The following DOCK1 variants were observed in gnomAD, a reference collection of about 807,000 sequenced individuals.
DOCK1 encodes the protein dedicator of cytokinesis protein 1.
Under a neutral mutation model 262.7 loss-of-function variants are expected in DOCK1, and 138 were observed. The observed-to-expected ratio is 0.53, with a 90% CI of 0.46 to 0.61. DOCK1 has a LOEUF of 0.61. Ranked by LOEUF, DOCK1 falls within the 20% of genes least tolerant of loss-of-function variation. The pLI is 0.00. For synonymous variants in DOCK1, 866 were observed against 867.4 expected (o/e 1.00, Z 0.03); for missense variants, 1,908 against 2,370.7 (o/e 0.80, Z 4.05).
intron 49 of DOCK1, among the ~76,000 whole-genome samples, chr10:127,442,303 T>C (rs946376413): frequency 2.6e-5 from 4 of 152,098 alleles, no homozygotes; most frequent in African/African-American, 9.7e-5. Flanking sequence ...GCTCTGTTGC[T>C]CACCCAAACC....
At chr10:127,425,341 A>C (rs1352780921) in intron 46 of DOCK1, among the ~76,000 whole-genome samples, 1 of 152,188 alleles carries the variant, frequency 6.6e-6, no homozygotes, top group Non-Finnish European at 1.5e-5. Flanking sequence ...TCGGAAGTGA[A>C]GTGTTGGCAT....
At chr10:127,447,091 G>C (rs1207622846) in intron 50 of DOCK1, among the ~76,000 whole-genome samples, 1 of 152,186 alleles carries the variant, frequency 6.6e-6, no homozygotes, top group Non-Finnish European at 1.5e-5. Flanking sequence ...CCCGAGCAGG[G>C]ACAGAAGAGG....
intron 28 of DOCK1, among the ~76,000 whole-genome samples, chr10:127,248,906 G>A (rs1045575580): frequency 6.6e-6 from 1 of 152,134 alleles, no homozygotes; most frequent in African/African-American, 2.4e-5. Flanking sequence ...ATAAGAGTAC[G>A]AACGCTATTG....
intron 7 of DOCK1, 101 bp from the exon 8 acceptor site, chr10:126,997,991 C>A: frequency 6.8e-7 from 1 of 1,462,730 alleles, no homozygotes; most frequent in Non-Finnish European, 9.3e-7. Context: ...CTGGGTTATG[C>A]CAATGAGTTA....
intron 27 of DOCK1, chr10:127,136,247 T>C (rs1303500313): frequency 1.3e-5 from 2 of 152,128 alleles, no homozygotes; most frequent in East Asian, 3.9e-4. Context: ...ATCAAAACAC[T>C]TAGAACTAAA....
chr10:126,926,755 C>T (rs974407532), intron 1 of DOCK1, among the ~76,000 whole-genome samples: 6 of 152,182 alleles, frequency 3.9e-5, no homozygotes, highest in African/African-American at 9.7e-5. Context: ...GTTACACGGC[C>T]GCAAGCCAAG....
chr10:127,328,532 G>A (rs2062837955), intron 29 of DOCK1, among the ~76,000 whole-genome samples: 1 of 152,226 alleles, frequency 6.6e-6, no homozygotes, highest in South Asian at 2.1e-4. Context: ...GTCCTGGGTG[G>A]TGTTTGGTGA....
At chr10:127,168,266 T>G (rs1235460452) in intron 27 of DOCK1, among the ~76,000 whole-genome samples, 1 of 152,142 alleles carries the variant, frequency 6.6e-6, no homozygotes, top group East Asian at 1.9e-4. Context: ...ATTTAAAATG[T>G]TTTGGGTTAT....
intron 27 of DOCK1, chr10:127,137,636 C>G: frequency 2.1e-6 from 1 of 477,310 alleles, no homozygotes; most frequent in East Asian, 3.2e-5. Flanking sequence ...CTGCAAAGAA[C>G]AGCTGGCAAG....
At chr10:127,431,713 ACAGG>A (rs2069301400) in intron 47 of DOCK1, among the ~76,000 whole-genome samples, 2 of 152,286 alleles carry the variant, frequency 1.3e-5, no homozygotes, top group Non-Finnish European at 2.9e-5. Context: ...AGTTTTGTTG[ACAGG>A]CAGGCCATGC....
chr10:127,300,525 A>G (rs2061644769), intron 29 of DOCK1, among the ~76,000 whole-genome samples: 1 of 152,268 alleles, frequency 6.6e-6, no homozygotes, highest in Non-Finnish European at 1.5e-5. Context: ...GGAAGATGGC[A>G]TCAGGCCACA....
intron 1 of DOCK1, among the ~76,000 whole-genome samples, chr10:126,955,582 G>T (rs1252899530): frequency 6.6e-6 from 1 of 152,180 alleles, no homozygotes; most frequent in African/African-American, 2.4e-5. Context: ...TAAGCTGCTG[G>T]GGAAGACAGG....
intron 27 of DOCK1, among the ~76,000 whole-genome samples, chr10:127,200,916 G>A (rs1321146703): frequency 1.3e-5 from 2 of 152,098 alleles, no homozygotes; most frequent in Non-Finnish European, 2.9e-5. Flanking sequence ...GAGTCGCTGT[G>A]GTTCGGATGC....
chr10:127,208,633 A>G (rs1469298232), intron 27 of DOCK1, among the ~76,000 whole-genome samples: 2 of 152,160 alleles, frequency 1.3e-5, no homozygotes, highest in Non-Finnish European at 2.9e-5. Context: ...AGATTTGAAT[A>G]TTATCAGGAA....
chr10:127,045,049 T>C (rs1591794396), intron 21 of DOCK1, among the ~76,000 whole-genome samples: 1 of 151,562 alleles, frequency 6.6e-6, no homozygotes, highest in Non-Finnish European at 1.5e-5. Flanking sequence ...AATGCAAAAA[T>C]TAGCTGCGCG....
chr10:126,989,816 G>T (rs191325890), intron 5 of DOCK1, among the ~76,000 whole-genome samples: 1 of 152,300 alleles, frequency 6.6e-6, no homozygotes, highest in African/African-American at 2.4e-5. Flanking sequence ...AGAAGTGTGA[G>T]TTTTGCATCT....
chr10:126,951,446 T>C (rs1407547252), intron 1 of DOCK1, among the ~76,000 whole-genome samples: 8 of 151,460 alleles, frequency 5.3e-5, no homozygotes, highest in African/African-American at 1.9e-4. Context: ...GTTGGTAGTG[T>C]TGGTAGTATT....
intron 29 of DOCK1, among the ~76,000 whole-genome samples, chr10:127,306,327 A>C (rs1367987718): frequency 6.6e-6 from 1 of 151,900 alleles, no homozygotes; most frequent in Non-Finnish European, 1.5e-5. Context: ...TTTTATGCAT[A>C]TTTGATTTGG....
At chr10:127,037,848 CTTTTTT>C in intron 19 of DOCK1, 32 bp downstream of exon 19, 72 of 1,047,018 alleles carry the variant, frequency 6.9e-5, no homozygotes, top group Admixed American at 1.4e-4. Context: ...CTTTTTGGGT[CTTTTTT>C]TTTTTTTTTT....
Sources: gnomAD v4.1 joint callset for allele counts (sites outside exome capture counted in the v4.1 genomes callset) on GRCh38, gnomAD v4.1.1 for gene constraint, MANE v1.5 for transcripts, NCBI Gene and HGNC (gene_info 2026-07-23, HGNC 2026-07-21) for gene names.